FANCC: variants seen among roughly 807,000 people sequenced by gnomAD.
FANCC encodes Fanconi anemia group C protein.
In FANCC, 55 loss-of-function variants were observed where a neutral mutation model predicts 71.3. That is an observed-to-expected ratio of 0.77 (90% confidence interval 0.62 to 0.97). The LOEUF (loss-of-function observed/expected upper bound fraction) is 0.97, where lower values mean the gene tolerates loss of function less well. FANCC is among the 50% of genes least tolerant of loss of function. The pLI is 0.00. For synonymous variants in FANCC, 275 were observed against 244.9 expected (o/e 1.12, Z -1.15); for missense variants, 678 against 670.9 (o/e 1.01, Z -0.12).
intron 4 of FANCC, among the ~76,000 whole-genome samples, chr9:95,180,247 T>C (rs1017254171): frequency 1.3e-5 from 2 of 151,560 alleles, no homozygotes; most frequent in African/African-American, 4.8e-5. Flanking sequence ...AACAATAACA[T>C]ATGTGGAGCT....
At chr9:95,301,718 G>T (rs1383438681) in intron 1 of FANCC, among the ~76,000 whole-genome samples, 1 of 151,946 alleles carries the variant, frequency 6.6e-6, no homozygotes, top group Non-Finnish European at 1.5e-5. Context: ...GGGATTTGTT[G>T]TTGTTGCATT....
intron 4 of FANCC, among the ~76,000 whole-genome samples, chr9:95,199,419 A>G (rs1000993359): frequency 6.6e-6 from 1 of 151,292 alleles, no homozygotes; most frequent in South Asian, 2.1e-4. Flanking sequence ...CACCTCCTAC[A>G]TCCCCTTCCC....
intron 14 of FANCC, among the ~76,000 whole-genome samples, chr9:95,103,208 C>T (rs182814877): frequency 4.6e-5 from 7 of 152,070 alleles, no homozygotes; most frequent in South Asian, 2.1e-4. Context: ...GAAGAAAGGC[C>T]GAGTTGTCAT....
At chr9:95,271,927 C>CTTTGTTTTTTTTTT (rs1832751179) in intron 1 of FANCC, among the ~76,000 whole-genome samples, 1 of 50,480 alleles carries the variant, frequency 2.0e-5, no homozygotes, top group Non-Finnish European at 3.6e-5. Context: ...CAAGCCTCTT[C>CTTTGTTTTTTTTTT]TTTTTTTTTT....
At chr9:95,269,906 T>C (rs1388820284) in intron 1 of FANCC, among the ~76,000 whole-genome samples, 1 of 152,084 alleles carries the variant, frequency 6.6e-6, no homozygotes, top group African/African-American at 2.4e-5. Flanking sequence ...GTTCAGCATA[T>C]GGAGGATCCC....
chr9:95,153,664 T>C (rs900353392), intron 6 of FANCC, among the ~76,000 whole-genome samples: 5 of 152,214 alleles, frequency 3.3e-5, no homozygotes, highest in Non-Finnish European at 7.3e-5. Context: ...CACTGTTTGA[T>C]GGGATTGCTT....
chr9:95,129,758 T>C (rs1169179914), intron 8 of FANCC, among the ~76,000 whole-genome samples: 2 of 151,950 alleles, frequency 1.3e-5, no homozygotes, highest in Non-Finnish European at 2.9e-5. Context: ...ATAACATGAG[T>C]CTTGTCCTTC....
chr9:95,170,633 A>G (rs1306079656), intron 6 of FANCC, among the ~76,000 whole-genome samples: 2 of 52,478 alleles, frequency 3.8e-5, no homozygotes, highest in Non-Finnish European at 8.6e-5. Context: ...TGCCTTGTAA[A>G]TATCGTGTGT....
chr9:95,285,801 T>C (rs1362504463), intron 1 of FANCC, among the ~76,000 whole-genome samples: 1 of 152,240 alleles, frequency 6.6e-6, no homozygotes, highest in Non-Finnish European at 1.5e-5. Flanking sequence ...AAACTTTGAA[T>C]GTGTTTATAC....
intron 1 of FANCC, among the ~76,000 whole-genome samples, chr9:95,281,441 C>A (rs773237552): frequency 6.6e-6 from 1 of 151,990 alleles, no homozygotes; most frequent in Non-Finnish European, 1.5e-5. Flanking sequence ...CCTACCAAAG[C>A]TGTACTTCAG....
At chr9:95,293,216 T>C (rs1834164705) in intron 1 of FANCC, 4 of 1,612,572 alleles carry the variant, frequency 2.5e-6, no homozygotes, top group Non-Finnish European at 3.4e-6. Context: ...GCCTCAAAAG[T>C]TGCTTTTACC....
chr9:95,275,587 T>C (rs1297341154), intron 1 of FANCC, among the ~76,000 whole-genome samples: 1 of 151,910 alleles, frequency 6.6e-6, no homozygotes, highest in Non-Finnish European at 1.5e-5. Flanking sequence ...GTTATGCATG[T>C]GGGGGCATGG....
intron 7 of FANCC, among the ~76,000 whole-genome samples, chr9:95,136,599 G>C (rs1588137942): frequency 6.6e-6 from 1 of 152,184 alleles, no homozygotes; most frequent in East Asian, 1.9e-4. Context: ...TGATCCTCCT[G>C]CATCAGTCTC....
chr9:95,152,111 A>G (rs936534930), intron 6 of FANCC, among the ~76,000 whole-genome samples: 2 of 152,230 alleles, frequency 1.3e-5, no homozygotes, highest in African/African-American at 4.8e-5. Context: ...CTTGTGAGAC[A>G]GTAATTGTTA....
intron 4 of FANCC, among the ~76,000 whole-genome samples, chr9:95,190,682 G>A (rs1258935640): frequency 6.6e-6 from 1 of 152,206 alleles, no homozygotes. Flanking sequence ...GGCACTGTGT[G>A]GGTGAGACCA....
At chr9:95,250,469 G>C (rs1051568143) in intron 1 of FANCC, among the ~76,000 whole-genome samples, 1 of 152,090 alleles carries the variant, frequency 6.6e-6, no homozygotes, top group Non-Finnish European at 1.5e-5. Flanking sequence ...ATCTAGATCG[G>C]GAAAGTTTTA....
chr9:95,130,540 C>A (rs2065586), intron 8 of FANCC, among the ~76,000 whole-genome samples: 12 of 152,188 alleles, frequency 7.9e-5, no homozygotes, highest in Admixed American at 5.9e-4. Flanking sequence ...AGCTGAAGTT[C>A]ATTAAGCCTG....
At chr9:95,119,014 C>T (rs771885879) in intron 10 of FANCC, among the ~76,000 whole-genome samples, 3 of 152,172 alleles carry the variant, frequency 2.0e-5, no homozygotes, top group East Asian at 1.9e-4. Flanking sequence ...TACCATCTTA[C>T]GCCCACCAGC....
chr9:95,275,059 C>T (rs1204179968), intron 1 of FANCC, among the ~76,000 whole-genome samples: 1 of 150,840 alleles, frequency 6.6e-6, no homozygotes, highest in Admixed American at 6.6e-5. Context: ...ATTGCTTGAA[C>T]CCAGGAGTTT....
Sources: gnomAD v4.1 joint callset for allele counts (sites outside exome capture counted in the v4.1 genomes callset) on GRCh38, gnomAD v4.1.1 for gene constraint, MANE v1.5 for transcripts, NCBI Gene and HGNC (gene_info 2026-07-23, HGNC 2026-07-21) for gene names.